Variants in LATS2 observed in about 807,000 individuals in gnomAD.
LATS2 encodes serine/threonine-protein kinase LATS2.
In LATS2, 24 loss-of-function variants were observed where a neutral mutation model predicts 76.0. That is an observed-to-expected ratio of 0.32 (90% CI 0.23 to 0.44). The LOEUF is 0.44. Ranked by LOEUF, LATS2 falls within the 20% of genes least tolerant of loss-of-function variation. LATS2 has a pLI of 1.00. For synonymous variants in LATS2, 692 were observed against 635.4 expected (o/e 1.09, Z -1.34); for missense variants, 1,286 against 1,481.2 (o/e 0.87, Z 2.16).
chr13:21,020,636 T>A (rs1181474659), intron 2 of LATS2, among the ~76,000 whole-genome samples: 1 of 152,206 alleles, frequency 6.6e-6, no homozygotes, highest in African/African-American at 2.4e-5. Context: ...TAGTCAGAAT[T>A]CCTGCCATCC....
At chr13:21,031,323 T>TCA (rs1872522248) in intron 2 of LATS2, among the ~76,000 whole-genome samples, 1 of 152,350 alleles carries the variant, frequency 6.6e-6, no homozygotes, top group Admixed American at 6.5e-5. Flanking sequence ...GATTTCAATT[T>TCA]CACATATACT....
chr13:21,005,537 A>G (rs368085296), intron 2 of LATS2: 2 of 152,372 alleles, frequency 1.3e-5, no homozygotes, highest in African/African-American at 4.8e-5. Context: ...AGGAAGAGTA[A>G]TAAGATATGG....
At position 21,050,147 on chromosome 13, in the gene LATS2, G is replaced by GATACATACATACATACATACATAC. The variant is rs6144947; in HGVS notation, c.-204-3941_-204-3918dup. Among the ~76,000 whole-genome samples the GATACATACATACATACATACATAC allele has an allele frequency of 4.5e-3, 240 of 53,680 alleles. 3 individuals are homozygous for GATACATACATACATACATACATAC. The highest frequency in any genetic ancestry group is 9.0e-3 in the South Asian group (7 of 780). 35.2% of individuals were successfully genotyped at this position (53,680 alleles called of 152,430 possible). ...AGACAGATAGATAGATAGATAGATA[G>GATACATACATACATACATACATAC]ATACATACATACATACATACATACA... is the stretch of plus-strand genomic sequence containing the variant. On this transcript the variant is annotated intron_variant, in intron 1 of 7. Transcript: ENST00000382592.
intron 2 of LATS2, among the ~76,000 whole-genome samples, chr13:21,045,462 C>T (rs1407932959): frequency 2.6e-5 from 4 of 152,174 alleles, no homozygotes; most frequent in Non-Finnish European, 5.9e-5. Context: ...CTGGAACTTG[C>T]CTGAAAAGGA....
At chr13:20,983,200 C>T in intron 5 of LATS2, 24 bp downstream of exon 5, 1 of 1,523,432 alleles carries the variant, frequency 6.6e-7, no homozygotes, top group Non-Finnish European at 9.1e-7. Flanking sequence ...ATAGAAAGTG[C>T]ATGTGGCACA....
chr13:20,996,746 C>T (rs148431566), intron 2 of LATS2, among the ~76,000 whole-genome samples: 40 of 152,266 alleles, frequency 2.6e-4, no homozygotes, highest in Admixed American at 5.9e-4. Context: ...ATATCAAATT[C>T]AGCAAAACCT....
intron 2 of LATS2, among the ~76,000 whole-genome samples, chr13:20,994,372 T>C (rs1358694690): frequency 6.6e-6 from 1 of 152,250 alleles, no homozygotes; most frequent in Non-Finnish European, 1.5e-5. Flanking sequence ...ACTGTACATA[T>C]ACATAGAGCT....
intron 1 of LATS2, among the ~76,000 whole-genome samples, chr13:21,049,414 T>TGG (rs1024823097): frequency 6.6e-6 from 1 of 151,716 alleles, no homozygotes; most frequent in African/African-American, 2.4e-5. Context: ...AAGGCACAGA[T>TGG]GGGGGATGGT....
chr13:20,987,767 C>A lies in LATS2; in HGVS notation c.1899+114G>T, dbSNP rs1393382044. 3 of 1,233,492 alleles carry A rather than the reference C, an allele frequency of 2.4e-6. No homozygotes were observed. The Admixed American group carries it at 7.4e-5, about 31-fold the overall frequency. 76.4% of individuals were successfully genotyped at this position (1,233,492 alleles called of 1,614,324 possible). On this transcript the variant is annotated intron_variant, in intron 4 of 7. Transcript: ENST00000382592. ...CCAGAACCAGACTGTCGCCCATTAG[C>A]CGTTTTGATGATAAGGGGTATACAG...
At position 21,027,015 on chromosome 13, in the gene LATS2, T is replaced by C. The variant is rs1026651408; in HGVS notation, c.342+18670A>G. On this transcript the variant is annotated intron_variant, in intron 2 of 7. Transcript: ENST00000382592. The stretch of plus-strand genomic sequence containing the variant: ...TTTTCATGTGCTTATTTGACATTCC[T>C]CTATATTTTTGTGAAGTGTCTACTC... Among the ~76,000 whole-genome samples, 12 of 152,350 alleles carry C rather than the reference T, an allele frequency of 7.9e-5. No individual in the cohort carries two copies. The South Asian group carries it at 2.3e-3, about 29-fold the overall frequency.
intron 2 of LATS2, among the ~76,000 whole-genome samples, chr13:21,036,242 G>A (rs1872680152): frequency 6.6e-6 from 1 of 151,524 alleles, no homozygotes; most frequent in African/African-American, 2.4e-5. Context: ...ATGTTGGCCA[G>A]GCTATTATCA....
At position 20,987,428 on chromosome 13, in the gene LATS2, C is replaced by T. The variant is rs1334585344; in HGVS notation, c.1899+453G>A. Among the ~76,000 whole-genome samples the T allele has an allele frequency of 7.9e-5, 12 of 152,272 alleles. No individual in the cohort carries two copies. The East Asian group carries it at 2.3e-3, about 29-fold the overall frequency. On this transcript the variant is annotated intron_variant, in intron 4 of 7. Transcript: ENST00000382592. Reference sequence around the variant, plus strand: ...TAAGGTATATTTAAATCATTAGTTACTAACTAAACACTTAAAAGAATAAAT... The same window carrying T: ...TAAGGTATATTTAAATCATTAGTTATTAACTAAACACTTAAAAGAATAAAT...
intron 2 of LATS2, among the ~76,000 whole-genome samples, chr13:21,031,695 T>C (rs1335946309): frequency 2.0e-5 from 3 of 151,974 alleles, no homozygotes; most frequent in Non-Finnish European, 4.4e-5. Context: ...CCTGTCTCTA[T>C]AAAAAAGTTA....
chr13:21,057,975 T>C (rs1284272443), intron 1 of LATS2, among the ~76,000 whole-genome samples: 1 of 152,184 alleles, frequency 6.6e-6, no homozygotes, highest in African/African-American at 2.4e-5. Context: ...AGCAGTGACC[T>C]AGCATACAAT....
rs1417868170 is a variant in LATS2 at position 20,988,849 on chromosome 13, G to T, written c.931C>A (p.Leu311Ile). 2.5e-6 allele frequency: 4 copies of T among 1,591,254 alleles called. No individual in the cohort carries two copies. The highest frequency in any genetic ancestry group is 2.6e-6 in the Non-Finnish European group (3 of 1,174,658). ...GLAFPPPAAGLYVPHPHHKQA... is the reference protein window; with the variant it reads ...GLAFPPPAAGIYVPHPHHKQA... ...TTGTGGTGTGGGTGCGGCACGTAGAGCCCGGCGGCAGGGGGTGGGAAAGCG... is the reference window on the plus strand; with the variant it reads ...TTGTGGTGTGGGTGCGGCACGTAGATCCCGGCGGCAGGGGGTGGGAAAGCG... Residue 311 changes from leucine (L) to isoleucine (I), a missense_variant, in exon 4 of 8, where the codon CTC (leucine) becomes ATC (isoleucine). Leu to Ile is a conservative substitution (Grantham distance 5). Transcript: ENST00000382592.
At position 21,053,233 on chromosome 13, in the gene LATS2, C is replaced by CAA. The variant is rs1194900665; in HGVS notation, c.-204-7005_-204-7004dup. On this transcript the variant is annotated intron_variant, in intron 1 of 7. Coordinates refer to ENST00000382592, the MANE Select transcript of LATS2 (RefSeq NM_014572.3). ...TTGGCAACAGAGTGAGACTCTGTCT[C>CAA]AAAAAAAAAAAAAAAAAAAAAAAGC... 7.7e-3 allele frequency among the ~76,000 whole-genome samples: 288 copies of CAA among 37,176 alleles called. 2 individuals are homozygous for CAA. The highest frequency in any genetic ancestry group is 8.8e-3 in the Non-Finnish European group (168 of 19,062). 24.4% of individuals were successfully genotyped at this position (37,176 alleles called of 152,430 possible).
Position 20,988,361 on chromosome 13 carries a change from G to GGGGGCGGGGGCC in LATS2, c.1418_1419insGGCCCCCGCCCC (p.Pro477_Ala480dup), listed in dbSNP as rs1870285326. ...CCGCAGCCGGGGCGGGGGCGGGGGCGGGGGCCGGGGCAGGCGCGGGCACCC... is the reference window on the plus strand; with the variant it reads ...CCGCAGCCGGGGCGGGGGCGGGGGCGGGGGCGGGGGCCGGGGCCGGGGCAGGCGCGGGCACCC... On this transcript the variant is annotated inframe_insertion, in exon 4 of 8. Coordinates refer to ENST00000382592, the MANE Select transcript of LATS2 (RefSeq NM_014572.3). 4.4e-6 allele frequency: 6 copies of GGGGGCGGGGGCC among 1,368,726 alleles called. No individual in the cohort carries two copies. Among genetic ancestry groups the GGGGGCGGGGGCC allele is most frequent in the Non-Finnish European group, 5.6e-6 (6 of 1,070,442 alleles). The allele number at this position is 1,368,726 out of a possible 1,614,324, so 84.8% of individuals were successfully genotyped here.
In LATS2 at chr13:20,988,596, G is replaced by A; in HGVS notation, c.1184C>T (p.Ala395Val). Residue 395 changes from alanine (A) to valine (V), a missense_variant, in exon 4 of 8, where the codon GCC becomes GTC. Ala to Val is a moderately conservative substitution (Grantham distance 64). Transcript: ENST00000382592. ...GGGCACTGGGCAGTCAGGCCGGAAG[G>A]CCACGTGCGCGCGCGGCGGCGCCTC... The part of the protein sequence containing the change: ...GLEAPPRAHV[A>V]FRPDCPVPSR... The A allele has an allele frequency of 1.3e-6, 2 of 1,589,636 alleles. No individual in the cohort carries two copies. The highest frequency in any genetic ancestry group is 1.7e-6 in the Non-Finnish European group (2 of 1,175,888).
intron 3 of LATS2, among the ~76,000 whole-genome samples, chr13:20,989,858 A>G (rs1870431079): frequency 6.6e-6 from 1 of 151,568 alleles, no homozygotes; most frequent in Non-Finnish European, 1.5e-5. Context: ...TATATACACA[A>G]TAATAAAAAC....
Sources: gnomAD v4.1 joint callset for allele counts (sites outside exome capture counted in the v4.1 genomes callset) on GRCh38, gnomAD v4.1.1 for gene constraint, MANE v1.5 for transcripts, NCBI Gene and HGNC (gene_info 2026-07-23, HGNC 2026-07-21) for gene names.